DST: variants seen among roughly 807,000 people sequenced by gnomAD.
The protein encoded by DST is dystonin.
A neutral mutation model predicts 875.2 loss-of-function variants in DST; 253 were observed. That is an observed-to-expected ratio of 0.29 (90% CI 0.26 to 0.32). The LOEUF is 0.32. DST is among the 10% of genes least tolerant of loss of function. DST has a pLI of 1.00. For synonymous variants in DST, 3,124 were observed against 3,197.1 expected (o/e 0.98, Z 0.77); for missense variants, 8,287 against 9,111.6 (o/e 0.91, Z 3.68).
rs1293756940 is a variant in DST at position 56,620,329 on chromosome 6, G to C, written c.4929+4201C>G. ...CCTCCAACTGATTGCGAAAATTCAG[G>C]AGGTTCTCTTCCACGGCAGCTCTTT... On this transcript the variant is annotated intron_variant, in intron 36 of 103. Coordinates refer to ENST00000680361, the MANE Select transcript of DST (RefSeq NM_001374736.1). The C allele has an allele frequency of 6.8e-6, 11 of 1,613,994 alleles. No homozygotes were observed. The highest frequency in any genetic ancestry group is 8.5e-6 in the Non-Finnish European group (10 of 1,180,028).
intron 4 of DST, chr6:56,842,969 G>C (rs940028264): frequency 4.9e-6 from 6 of 1,231,868 alleles, no homozygotes; most frequent in East Asian, 3.0e-5. Flanking sequence ...TCGTGCCCAA[G>C]GAGTGGTGGC....
intron 4 of DST, among the ~76,000 whole-genome samples, chr6:56,831,648 T>G (rs916958749): frequency 6.6e-6 from 1 of 152,168 alleles, no homozygotes; most frequent in African/African-American, 2.4e-5. Flanking sequence ...GTGTTCCTCT[T>G]CCTTCTGTAG....
chr6:56,705,430 A>G (rs531555997), intron 5 of DST, among the ~76,000 whole-genome samples: 3 of 152,220 alleles, frequency 2.0e-5, no homozygotes, highest in South Asian at 2.1e-4. Flanking sequence ...AATCAAAACT[A>G]TATAACTACA....
intron 17 of DST, among the ~76,000 whole-genome samples, chr6:56,641,215 A>G (rs1420662313): frequency 6.6e-6 from 1 of 152,144 alleles, no homozygotes; most frequent in Non-Finnish European, 1.5e-5. Flanking sequence ...AGGTTTTTAT[A>G]CACGTATTTT....
intron 5 of DST, among the ~76,000 whole-genome samples, chr6:56,734,403 T>C (rs1466202183): frequency 6.6e-6 from 1 of 152,236 alleles, no homozygotes; most frequent in Admixed American, 6.5e-5. Context: ...ATAGTTTAAA[T>C]AAGATTTGTT....
rs1448101915 is a variant in DST at position 56,597,668 on chromosome 6, G to A, written c.12195+72C>T. The A allele has an allele frequency of 2.7e-6, 4 of 1,483,866 alleles. No individual in the cohort carries two copies. The South Asian group carries it at 4.1e-5, about 15-fold the overall frequency. 91.9% of individuals were successfully genotyped at this position (1,483,866 alleles called of 1,614,324 possible). ...TCAGTAAGGTTTGAAAAGAACTCAT[G>A]TGCTAGGTTATTTCTCTCTTTACCA... On this transcript the variant is annotated intron_variant, in intron 47 of 103. Coordinates refer to ENST00000680361, the MANE Select transcript of DST (RefSeq NM_001374736.1).
chr6:56,489,648 A>G, intron 85 of DST, 39 bp from the exon 86 acceptor site: 1 of 1,589,760 alleles, frequency 6.3e-7, no homozygotes, highest in Non-Finnish European at 8.6e-7. Context: ...AAATTTTTCA[A>G]GCATATTATA....
intron 3 of DST, among the ~76,000 whole-genome samples, chr6:56,880,022 C>T (rs1207548832): frequency 6.6e-6 from 1 of 152,196 alleles, no homozygotes; most frequent in African/African-American, 2.4e-5. Flanking sequence ...TCTATTCCCA[C>T]AATGAATAGG....
intron 61 of DST, among the ~76,000 whole-genome samples, chr6:56,550,115 TAC>T (rs1372768979): frequency 1.3e-5 from 2 of 151,996 alleles, no homozygotes; most frequent in Non-Finnish European, 2.9e-5. Flanking sequence ...TTTTAAGGAA[TAC>T]ACACACACAC....
At chr6:56,706,902 C>G (rs35687635) in intron 5 of DST, among the ~76,000 whole-genome samples, 34,331 of 151,954 alleles carry the variant, frequency 0.23, 4,348 homozygotes, top group African/African-American at 0.32. Context: ...CTACTTGGGA[C>G]GCTGAGGCAG....
At chr6:56,940,273 A>G (rs934432532) in intron 2 of DST, among the ~76,000 whole-genome samples, 1 of 151,774 alleles carries the variant, frequency 6.6e-6, no homozygotes, top group African/African-American at 2.4e-5. Flanking sequence ...TTTATGCAAT[A>G]TATTTTTATG....
At chr6:56,462,067 A>G (rs1007383857) in intron 102 of DST, 6 of 152,210 alleles carry the variant, frequency 3.9e-5, no homozygotes, top group Admixed American at 3.3e-4. Flanking sequence ...AAAGCATAAG[A>G]GGGCTTTTAA....
At position 56,482,845 on chromosome 6, in the gene DST, G is replaced by T. The variant is rs993222683; in HGVS notation, c.21240C>A (p.Ser7080Arg). The change falls in exon 89 of 104, where the codon AGC (serine) becomes AGA (arginine). Residue 7080 changes from serine to arginine, a missense_variant. This residue lies in a region of DST where 1,292 missense variants were observed against 1,552.7 expected (regional missense o/e 0.83). Transcript: ENST00000680361. ...AFQKELGKRT[S>R]SVQALKRSAR... The stretch of plus-strand genomic sequence containing the variant: ...CTGAGCGCTTCAGGGCCTGCACACT[G>T]CTGGTCCTCTTCCCCAACTCTTTTT... 1.3e-6 allele frequency: 2 copies of T among 1,578,898 alleles called. No individual in the cohort carries two copies. Among genetic ancestry groups the T allele is most frequent in the African/African-American group, 2.7e-5 (2 of 73,516 alleles).
At chr6:56,591,322 A>G (rs2098268574) in intron 49 of DST, among the ~76,000 whole-genome samples, 1 of 152,240 alleles carries the variant, frequency 6.6e-6, no homozygotes, top group African/African-American at 2.4e-5. Flanking sequence ...TTGAGTAATT[A>G]TTCAAGTTTG....
In DST at chr6:56,650,325, C is replaced by CAAAAAAAAAAAAA. The variant is rs70989721; in HGVS notation, c.1434+588_1434+600dup. 1.2e-4 allele frequency among the ~76,000 whole-genome samples: 6 copies of CAAAAAAAAAAAAA among 48,692 alleles called. 1 individual carries two copies. Among genetic ancestry groups the CAAAAAAAAAAAAA allele is most frequent in the Non-Finnish European group, 1.6e-4 (4 of 25,086 alleles). The allele number at this position is 48,692 out of a possible 152,430, so 31.9% of individuals were successfully genotyped here. On this transcript the variant is annotated intron_variant, in intron 12 of 103. Transcript: ENST00000680361. ...ATAAGCACTTGTTAGCATAACCACC[C>CAAAAAAAAAAAAA]AAAAAAAAAAAAAAAAAAAAAAAGC...
At chr6:56,666,429 A>G (rs2099072672) in intron 10 of DST, among the ~76,000 whole-genome samples, 2 of 152,176 alleles carry the variant, frequency 1.3e-5, no homozygotes, top group African/African-American at 4.8e-5. Flanking sequence ...GCTTTTAAGT[A>G]AAAAATATAT....
At position 56,618,859 on chromosome 6, in the gene DST, T is replaced by C. The variant is rs772996445; in HGVS notation, c.4930-4375A>G. On this transcript the variant is annotated intron_variant, in intron 36 of 103. Coordinates refer to ENST00000680361, the MANE Select transcript of DST (RefSeq NM_001374736.1). ...GGGTCATCTGCTCCTCTATGGTCTT[T>C]AAGTGTAATTCGTCTTGTACTTTTT... 40 of 1,614,170 alleles carry C rather than the reference T, an allele frequency of 2.5e-5. No individual in the cohort carries two copies. Among genetic ancestry groups the C allele is most frequent in the Non-Finnish European group, 3.4e-5 (40 of 1,180,036 alleles).
intron 9 of DST, among the ~76,000 whole-genome samples, chr6:56,679,351 C>T (rs1192706281): frequency 6.6e-6 from 1 of 152,094 alleles, no homozygotes; most frequent in African/African-American, 2.4e-5. Flanking sequence ...ACCATGTGGA[C>T]TCCTGCCACC....
chr6:56,602,106 C>T (rs1023060957), intron 43 of DST: 2 of 288,328 alleles, frequency 6.9e-6, no homozygotes, highest in Admixed American at 4.8e-5. Flanking sequence ...TGAAATATGC[C>T]AGAATTTCAG....
Sources: gnomAD v4.1 joint callset for allele counts (sites outside exome capture counted in the v4.1 genomes callset) on GRCh38, gnomAD v4.1.1 for gene constraint, gnomAD v4.1.1 regional missense constraint, MANE v1.5 for transcripts, NCBI Gene and HGNC (gene_info 2026-07-23, HGNC 2026-07-21) for gene names.